The following TAFA2 variants were observed in gnomAD, a reference collection of about 807,000 sequenced individuals.
TAFA2 encodes chemokine-like protein TAFA-2.
A neutral mutation model predicts 18.8 loss-of-function variants in TAFA2; 7 were observed. That is an observed-to-expected ratio of 0.37 (90% CI 0.21 to 0.70). The LOEUF (loss-of-function observed/expected upper bound fraction) is 0.70, where lower values mean the gene tolerates loss of function less well. Among genes scored for constraint, TAFA2 ranks in the 30% least tolerant of loss-of-function variants. The pLI, the probability that TAFA2 is intolerant of heterozygous loss-of-function variation, is 0.53. For missense variants in TAFA2, 122 were observed against 158.1 expected (o/e 0.77, Z 1.23); for synonymous variants, 60 against 54.2 (o/e 1.11, Z -0.47).
At chr12:61,899,819 C>G (rs1018687569) in intron 1 of TAFA2, among the ~76,000 whole-genome samples, 1 of 152,104 alleles carries the variant, frequency 6.6e-6, no homozygotes, top group Non-Finnish European at 1.5e-5. Context: ...AATACAGTAT[C>G]ACAACTATTT....
chr12:62,148,558 A>G (rs1043367907), intron 1 of TAFA2, among the ~76,000 whole-genome samples: 6 of 152,186 alleles, frequency 3.9e-5, no homozygotes, highest in Non-Finnish European at 1.5e-5. Flanking sequence ...GGAAGGAGGA[A>G]GGAGGGCAAG....
At chr12:61,711,658 A>T (rs527630476) in intron 4 of TAFA2, among the ~76,000 whole-genome samples, 2 of 152,066 alleles carry the variant, frequency 1.3e-5, no homozygotes, top group East Asian at 3.9e-4. Context: ...ATACTACCAA[A>T]GGGAGATGGT....
chr12:62,254,581 C>T (rs1232008907), intron 1 of TAFA2, among the ~76,000 whole-genome samples: 1 of 152,100 alleles, frequency 6.6e-6, no homozygotes, highest in Admixed American at 6.5e-5. Context: ...CTTGAACTGA[C>T]ATAGTTCAAG....
At chr12:62,131,074 G>A (rs893197404) in intron 1 of TAFA2, among the ~76,000 whole-genome samples, 1 of 151,818 alleles carries the variant, frequency 6.6e-6, no homozygotes, top group African/African-American at 2.4e-5. Flanking sequence ...TAATGAAAAG[G>A]GACAATGCTC....
At chr12:62,055,459 A>AT (rs1233282368) in intron 1 of TAFA2, among the ~76,000 whole-genome samples, 2 of 152,210 alleles carry the variant, frequency 1.3e-5, no homozygotes, top group Non-Finnish European at 2.9e-5. Flanking sequence ...CTCCACTGGT[A>AT]TTAATTTTGA....
intron 2 of TAFA2, among the ~76,000 whole-genome samples, chr12:61,777,802 C>T (rs1870332429): frequency 6.6e-6 from 1 of 151,788 alleles, no homozygotes; most frequent in South Asian, 2.1e-4. Flanking sequence ...GCTACAGTAT[C>T]TGGGTTCAGT....
intron 1 of TAFA2, among the ~76,000 whole-genome samples, chr12:61,891,874 A>T (rs375470489): frequency 3.3e-5 from 5 of 152,136 alleles, no homozygotes; most frequent in African/African-American, 1.2e-4. Context: ...GATTTATTCA[A>T]AGTGCAGTAG....
intron 2 of TAFA2, among the ~76,000 whole-genome samples, chr12:61,829,178 G>A (rs534322223): frequency 4.3e-4 from 65 of 151,800 alleles, no homozygotes; most frequent in African/African-American, 1.6e-3. Context: ...AAGAATATAA[G>A]AAGGTAGATA....
chr12:61,886,727 T>C (rs1875399399), intron 1 of TAFA2, among the ~76,000 whole-genome samples: 1 of 152,336 alleles, frequency 6.6e-6, no homozygotes, highest in Non-Finnish European at 1.5e-5. Context: ...TTTTTGACTT[T>C]TGTTGTCTTA....
At chr12:62,113,565 G>A (rs1025505988) in intron 1 of TAFA2, among the ~76,000 whole-genome samples, 3 of 152,196 alleles carry the variant, frequency 2.0e-5, no homozygotes, top group South Asian at 4.1e-4. Context: ...AGACAGGTAC[G>A]TTCAAGTCTG....
intron 1 of TAFA2, among the ~76,000 whole-genome samples, chr12:62,066,429 C>T (rs1017783698): frequency 6.6e-6 from 1 of 151,820 alleles, no homozygotes; most frequent in African/African-American, 2.4e-5. Context: ...TAACCATCCT[C>T]ACTTCCCCCA....
intron 2 of TAFA2, among the ~76,000 whole-genome samples, chr12:61,830,089 A>G (rs73308218): frequency 0.02 from 3,065 of 151,650 alleles, 83 homozygotes; most frequent in African/African-American, 0.069. Context: ...CATAATAGCA[A>G]AGATATGGAA....
intron 1 of TAFA2, among the ~76,000 whole-genome samples, chr12:62,012,793 G>A (rs1030132241): frequency 6.6e-6 from 1 of 151,892 alleles, no homozygotes; most frequent in Non-Finnish European, 1.5e-5. Flanking sequence ...ACACTCAGAA[G>A]AAAAAAAATA....
intron 1 of TAFA2, among the ~76,000 whole-genome samples, chr12:61,920,659 A>G (rs1877012818): frequency 1.3e-5 from 2 of 152,132 alleles, no homozygotes; most frequent in Non-Finnish European, 2.9e-5. Context: ...TGTGCTGTGC[A>G]TGTTCATAAA....
At chr12:62,083,911 C>T (rs1868362404) in intron 1 of TAFA2, among the ~76,000 whole-genome samples, 1 of 152,040 alleles carries the variant, frequency 6.6e-6, no homozygotes, top group Non-Finnish European at 1.5e-5. Context: ...TCCCACACTG[C>T]TGTTATTTGG....
intron 1 of TAFA2, among the ~76,000 whole-genome samples, chr12:62,104,328 T>C (rs549662804): frequency 3.9e-5 from 6 of 152,106 alleles, no homozygotes; most frequent in Non-Finnish European, 8.8e-5. Context: ...ATAATATTGA[T>C]TAACCCTCAG....
chr12:62,032,599 T>C (rs1229318726), intron 1 of TAFA2, among the ~76,000 whole-genome samples: 2 of 152,148 alleles, frequency 1.3e-5, no homozygotes, highest in Non-Finnish European at 2.9e-5. Flanking sequence ...ATCTGTCTGA[T>C]TTATTTGTTT....
At chr12:62,243,179 A>G (rs2062870529) in intron 1 of TAFA2, among the ~76,000 whole-genome samples, 1 of 152,230 alleles carries the variant, frequency 6.6e-6, no homozygotes, top group African/African-American at 2.4e-5. Flanking sequence ...GACCAGCTGG[A>G]AGCCAGTTTC....
chr12:62,021,050 T>C (rs1353635305), intron 1 of TAFA2, among the ~76,000 whole-genome samples: 1 of 152,178 alleles, frequency 6.6e-6, no homozygotes, highest in African/African-American at 2.4e-5. Context: ...GACAGTATGG[T>C]CTGCAAATCC....
Sources: allele counts gnomAD v4.1 joint callset (sites outside exome capture counted in the v4.1 genomes callset), GRCh38; gene constraint gnomAD v4.1.1; transcripts MANE v1.5; gene names NCBI Gene and HGNC (gene_info 2026-07-23, HGNC 2026-07-21).